The following TXNRD2 variants were observed in gnomAD, a reference collection of about 807,000 sequenced individuals.
TXNRD2 encodes thioredoxin reductase 2.
TXNRD2 carries 67 observed loss-of-function variants against 70.8 expected under a neutral mutation model. That is an observed-to-expected ratio of 0.95 (90% CI 0.78 to 1.16). The LOEUF (loss-of-function observed/expected upper bound fraction) is 1.16, where lower values mean the gene tolerates loss of function less well. TXNRD2 is among the 50% of genes most tolerant of loss of function. The pLI, the probability that TXNRD2 is intolerant of heterozygous loss-of-function variation, is 0.00. For synonymous variants in TXNRD2, 301 were observed against 295.8 expected (o/e 1.02, Z -0.18); for missense variants, 644 against 719.9 (o/e 0.89, Z 1.21).
rs1174670133 is a variant in TXNRD2, at chr22:19,877,330, T to C, written c.1446-96A>G. On this transcript the variant is annotated intron_variant, in intron 16 of 17. Coordinates refer to ENST00000400521, the MANE Select transcript of TXNRD2 (RefSeq NM_006440.5). ...GGAAGAGGAGGGCCTCAGAGGCTGC[T>C]GGTCTCCTCACTGTCCCCTGACCCC... 3 of 1,175,784 alleles carry C rather than the reference T, an allele frequency of 2.6e-6. No individual in the cohort carries two copies. The East Asian group carries it at 7.5e-5, about 29-fold the overall frequency. The allele number at this position is 1,175,784 out of a possible 1,614,324, so 72.8% of individuals were successfully genotyped here.
At chr22:19,899,005 T>G (rs747141422) in intron 9 of TXNRD2, 44 bp downstream of exon 9, 3 of 1,602,954 alleles carry the variant, frequency 1.9e-6, no homozygotes, top group Non-Finnish European at 2.5e-6. Flanking sequence ...AGGGAAGGAG[T>G]GTCCAGTTCC....
rs978493213 is a variant in TXNRD2, at chr22:19,898,098, C to T, written c.715G>A (p.Gly239Arg). Residue 239 changes from glycine (G) to arginine (R), a missense_variant, in exon 10 of 18, where the codon GGG becomes AGG. Around this residue, in one of 3 missense-constraint regions of TXNRD2, gnomAD observed 566 missense variants for 645.0 expected, o/e 0.88. Coordinates refer to ENST00000400521, the MANE Select transcript of TXNRD2 (RefSeq NM_006440.5). Reference protein sequence around the residue: ...VALECAGFLTGIGLDTTIMMR... With the variant: ...VALECAGFLTRIGLDTTIMMR... ...ATGATGGTGGTGTCCAGCCCAATCC[C>T]GGTGAGGAAGCCAGCACACTCCAGG... 26 of 1,567,164 alleles carry T rather than the reference C, an allele frequency of 1.7e-5. No individual in the cohort carries two copies. The highest frequency in any genetic ancestry group is 2.2e-5 in the Non-Finnish European group (25 of 1,156,360).
At chr22:19,922,830 GT>G (rs768002127) in intron 2 of TXNRD2, among the ~76,000 whole-genome samples, 1 of 152,082 alleles carries the variant, frequency 6.6e-6, no homozygotes, top group Non-Finnish European at 1.5e-5. Flanking sequence ...GGGATTACAG[GT>G]GCGCACCACC....
At chr22:19,938,313 T>C (rs974017231) in intron 1 of TXNRD2, 4 of 152,212 alleles carry the variant, frequency 2.6e-5, no homozygotes, top group Non-Finnish European at 1.5e-5. Flanking sequence ...AGTGAGTCAA[T>C]TGCTCAATTA....
At chr22:19,896,416 G>A (rs1035064483) in intron 10 of TXNRD2, among the ~76,000 whole-genome samples, 3 of 152,162 alleles carry the variant, frequency 2.0e-5, no homozygotes, top group East Asian at 1.9e-4. Context: ...GCAGAGAAGC[G>A]TGCCTTCCCC....
At chr22:19,901,543 C>T (rs375560422) in intron 8 of TXNRD2, among the ~76,000 whole-genome samples, 6 of 152,284 alleles carry the variant, frequency 3.9e-5, no homozygotes, top group African/African-American at 4.8e-5. Context: ...TTTCACTGTA[C>T]GCCTCCCCGC....
intron 7 of TXNRD2, among the ~76,000 whole-genome samples, chr22:19,914,511 C>T (rs114350060): frequency 7.9e-4 from 120 of 151,938 alleles, no homozygotes; most frequent in African/African-American, 2.8e-3. Context: ...CACACACATA[C>T]GAGTCACTAA....
At chr22:19,932,542 C>T in intron 1 of TXNRD2, 2 of 1,510,112 alleles carry the variant, frequency 1.3e-6, no homozygotes, top group Non-Finnish European at 8.9e-7. Flanking sequence ...CTGAACTGGG[C>T]CTGAGGTCCG....
At chr22:19,935,968 G>A (rs1941524863) in intron 1 of TXNRD2, among the ~76,000 whole-genome samples, 1 of 152,116 alleles carries the variant, frequency 6.6e-6, no homozygotes, top group Non-Finnish European at 1.5e-5. Context: ...GCTTATCTCT[G>A]CTATATTAAA....
Position 19,878,408 on chromosome 22 carries a change from C to T in TXNRD2, c.1305G>A (p.Glu435=), listed in dbSNP as rs919971767. The T allele has an allele frequency of 4.3e-6, 7 of 1,613,734 alleles. No individual in the cohort carries two copies. The Admixed American group carries it at 1.2e-4, about 27-fold the overall frequency. The change falls in exon 15 of 18, where the codon GAG becomes GAA. Residue 435 remains glutamate (E), a synonymous_variant. Transcript: ENST00000400521. ...EVYHAHYKPL[E]FTVAGRDASQ... is the part of the protein sequence containing the mutation. ...ATGCATCTCGTCCAGCCACCGTGAA[C>T]TCCAGTGGTTTATAATGGGCGTGAT...
intron 11 of TXNRD2, among the ~76,000 whole-genome samples, chr22:19,886,214 G>T (rs1437462914): frequency 1.3e-5 from 2 of 152,260 alleles, no homozygotes; most frequent in African/African-American, 4.8e-5. Context: ...AAGCTGGGCT[G>T]GTGGGACGTG....
chr22:19,915,421 T>C, intron 6 of TXNRD2, 145 bp from the exon 7 acceptor site: 1 of 840,280 alleles, frequency 1.2e-6, no homozygotes, highest in South Asian at 1.4e-5. Context: ...TCAGAGGCCC[T>C]ATGGAGCTGG....
intron 2 of TXNRD2, among the ~76,000 whole-genome samples, chr22:19,927,546 C>T (rs1941192909): frequency 2.0e-5 from 3 of 148,532 alleles, no homozygotes; most frequent in Admixed American, 1.4e-4. Context: ...CCCAGCCACT[C>T]GGGAGGCTGA....
intron 1 of TXNRD2, among the ~76,000 whole-genome samples, chr22:19,941,064 G>C (rs1415824234): frequency 6.6e-6 from 1 of 152,112 alleles, no homozygotes; most frequent in Admixed American, 6.5e-5. Flanking sequence ...GGGTCGAGGG[G>C]CCCCCTGCAT....
intron 7 of TXNRD2, among the ~76,000 whole-genome samples, chr22:19,913,976 G>A (rs190268517): frequency 0.011 from 1,731 of 152,324 alleles, 15 homozygotes; most frequent in Non-Finnish European, 0.018. Flanking sequence ...AGTCAGTTCC[G>A]AAAAGTCACC....
At position 19,877,103 on chromosome 22, in the gene TXNRD2, G is replaced by A. The variant is rs762666981; in HGVS notation, c.*2C>T. 32 of 1,596,914 alleles carry A rather than the reference G, an allele frequency of 2.0e-5. No homozygotes were observed. In the Admixed American group the frequency reaches 3.0e-4, roughly 15 times the overall value. Reference sequence around the variant, plus strand: ...GTGTGCCCTGGCCTGCAGGGATGGCGCTTACCCTCAGCAGCCTGTCACCGT... The same window carrying A: ...GTGTGCCCTGGCCTGCAGGGATGGCACTTACCCTCAGCAGCCTGTCACCGT... On this transcript the variant is annotated 3_prime_UTR_variant, in exon 17 of 18. Transcript: ENST00000400521.
rs1005254128 is a variant in TXNRD2, at chr22:19,941,809, T to C, written c.-6A>G. On this transcript the variant is annotated 5_prime_UTR_variant, in exon 1 of 18. Transcript: ENST00000400521. The stretch of plus-strand genomic sequence containing the variant: ...GCCACCGCCATTGCCGCCATCGTCG[T>C]GGGGCTTCTGGGGCAGCTAGGGCTG... 2 of 1,524,320 alleles carry C rather than the reference T, an allele frequency of 1.3e-6. No homozygotes were observed. Among genetic ancestry groups the C allele is most frequent in the East Asian group, 2.7e-5 (1 of 37,390 alleles). The allele number at this position is 1,524,320 out of a possible 1,614,324, so 94.4% of individuals were successfully genotyped here. A position where few individuals can be genotyped will look rare whatever the true frequency, so the allele number is the denominator to read the frequency against.
intron 8 of TXNRD2, among the ~76,000 whole-genome samples, chr22:19,908,052 T>G (rs9606175): frequency 0.057 from 4,902 of 86,336 alleles, 234 homozygotes; most frequent in East Asian, 0.15. Flanking sequence ...GCGCCGTGGG[T>G]AGCAGTGACC....
intron 11 of TXNRD2, among the ~76,000 whole-genome samples, chr22:19,892,383 C>T (rs1403660826): frequency 6.6e-6 from 1 of 152,272 alleles, no homozygotes; most frequent in Non-Finnish European, 1.5e-5. Context: ...GCCGCGCCGC[C>T]CTCGGGAAGC....
Sources: allele counts gnomAD v4.1 joint callset (sites outside exome capture counted in the v4.1 genomes callset), GRCh38; gene constraint gnomAD v4.1.1; regional missense constraint gnomAD v4.1.1; transcripts MANE v1.5; gene names NCBI Gene and HGNC (gene_info 2026-07-23, HGNC 2026-07-21).